The following SQOR variants were observed in gnomAD, a reference collection of about 807,000 sequenced individuals.
The protein encoded by SQOR is sulfide:quinone oxidoreductase, mitochondrial.
A neutral mutation model predicts 48.6 loss-of-function variants in SQOR; 39 were observed. That is an observed-to-expected ratio of 0.80 (90% confidence interval 0.62 to 1.05). SQOR has a LOEUF of 1.05. SQOR is among the 50% of genes least tolerant of loss of function. The pLI is 0.00. For missense variants in SQOR, 561 were observed against 559.9 expected, an observed-to-expected ratio of 1.00 and a Z score of -0.02; for synonymous variants, 220 against 206.2, an observed-to-expected ratio of 1.07 and a Z score of -0.57.
At chr15:45,650,592 G>C (rs1390970280) in intron 1 of SQOR, among the ~76,000 whole-genome samples, 1 of 152,186 alleles carries the variant, frequency 6.6e-6, no homozygotes, top group East Asian at 1.9e-4. Flanking sequence ...GCTCGCTCGG[G>C]CAGCCTGCTT....
intron 1 of SQOR, among the ~76,000 whole-genome samples, chr15:45,658,085 A>C (rs1889645584): frequency 6.6e-6 from 1 of 152,190 alleles, no homozygotes; most frequent in Non-Finnish European, 1.5e-5. Context: ...GTTTTCTTAA[A>C]GGTAAAGTGA....
At chr15:45,669,383 C>T (rs1257899564) in intron 3 of SQOR, among the ~76,000 whole-genome samples, 1 of 152,042 alleles carries the variant, frequency 6.6e-6, no homozygotes, top group Non-Finnish European at 1.5e-5. Context: ...AGGCTGGTCT[C>T]CAACTCCTGA....
At chr15:45,651,005 C>T (rs544282803) in intron 1 of SQOR, among the ~76,000 whole-genome samples, 177 of 152,302 alleles carry the variant, frequency 1.2e-3, no homozygotes, top group African/African-American at 4.0e-3. Flanking sequence ...TCCCGCACCG[C>T]GCACCTGCAC....
intron 6 of SQOR, among the ~76,000 whole-genome samples, chr15:45,679,727 A>G (rs1890093094): frequency 6.6e-6 from 1 of 152,234 alleles, no homozygotes; most frequent in Admixed American, 6.5e-5. Context: ...GACTTGTCCA[A>G]ATAATAGCAT....
chr15:45,649,439 G>C (rs573534893), intron 1 of SQOR, among the ~76,000 whole-genome samples: 4 of 152,306 alleles, frequency 2.6e-5, no homozygotes, highest in African/African-American at 9.6e-5. Context: ...GTGCCATTTG[G>C]TAAATGAAAG....
intron 6 of SQOR, among the ~76,000 whole-genome samples, chr15:45,680,512 AG>A (rs1890109032): frequency 6.6e-6 from 1 of 152,064 alleles, no homozygotes; most frequent in South Asian, 2.1e-4. Context: ...CCCAGCCTCA[AG>A]CAAGCCATCC....
chr15:45,670,299 G>T (rs1402793322), intron 4 of SQOR, among the ~76,000 whole-genome samples: 1 of 152,196 alleles, frequency 6.6e-6, no homozygotes, highest in Non-Finnish European at 1.5e-5. Flanking sequence ...AGAGTTGGCT[G>T]TATTGAAGAT....
intron 1 of SQOR, among the ~76,000 whole-genome samples, chr15:45,655,327 A>C (rs529915326): frequency 6.6e-6 from 1 of 152,298 alleles, no homozygotes; most frequent in South Asian, 2.1e-4. Context: ...GGACCATGAA[A>C]AACATGATTT....
intron 7 of SQOR, among the ~76,000 whole-genome samples, chr15:45,685,699 G>A (rs950786122): frequency 6.6e-6 from 1 of 152,268 alleles, no homozygotes. Flanking sequence ...TGGCCTTGAT[G>A]TCCTGCTGCT....
intron 4 of SQOR, 29 bp downstream of exon 4, chr15:45,670,010 G>T (rs756551822): frequency 6.2e-6 from 10 of 1,607,470 alleles, no homozygotes; most frequent in Non-Finnish European, 8.5e-6. Flanking sequence ...TCTGTGTTAC[G>T]CTGGCTTATC....
chr15:45,661,886 T>C (rs1223361368), intron 2 of SQOR, 69 bp from the exon 3 acceptor site: 3 of 1,487,236 alleles, frequency 2.0e-6, no homozygotes, highest in Non-Finnish European at 2.7e-6. Flanking sequence ...ATCTAGCCCA[T>C]ACTGTTAGCT....
intron 6 of SQOR, among the ~76,000 whole-genome samples, chr15:45,680,567 T>C (rs1420935001): frequency 2.0e-5 from 3 of 151,794 alleles, no homozygotes; most frequent in Admixed American, 1.3e-4. Context: ...AGGCATGTGC[T>C]ACTATGCCTA....
At chr15:45,644,178 C>T (rs1314123332) in intron 1 of SQOR, among the ~76,000 whole-genome samples, 4 of 152,094 alleles carry the variant, frequency 2.6e-5, no homozygotes, top group African/African-American at 9.7e-5. Context: ...ACCTCTGCCT[C>T]CCAGGTTCAA....
intron 4 of SQOR, among the ~76,000 whole-genome samples, chr15:45,670,576 C>T (rs535230150): frequency 1.3e-5 from 2 of 152,276 alleles, no homozygotes; most frequent in African/African-American, 2.4e-5. Context: ...CAGAGTAAAT[C>T]GGTAAATATT....
intron 2 of SQOR, among the ~76,000 whole-genome samples, chr15:45,660,319 C>G (rs1889696719): frequency 6.6e-6 from 1 of 152,186 alleles, no homozygotes; most frequent in Non-Finnish European, 1.5e-5. Flanking sequence ...TGAGAGGAAA[C>G]TAGGGGGCAG....
intron 7 of SQOR, among the ~76,000 whole-genome samples, chr15:45,685,676 A>C (rs1262286637): frequency 5.3e-5 from 8 of 151,540 alleles, no homozygotes; most frequent in African/African-American, 1.9e-4. Flanking sequence ...GGATGTCTCC[A>C]CTCCTTTTCC....
At chr15:45,648,258 A>G (rs933029673) in intron 1 of SQOR, among the ~76,000 whole-genome samples, 6 of 151,886 alleles carry the variant, frequency 4.0e-5, no homozygotes, top group Middle Eastern at 3.4e-3. Context: ...GCTCACTGCA[A>G]CCTCCGCCTT....
intron 1 of SQOR, among the ~76,000 whole-genome samples, chr15:45,656,401 G>A (rs967809939): frequency 6.6e-6 from 1 of 152,052 alleles, no homozygotes; most frequent in Non-Finnish European, 1.5e-5. Context: ...CCGGGCTTGA[G>A]TGATCCTTCC....
intron 1 of SQOR, among the ~76,000 whole-genome samples, chr15:45,650,995 T>TC (rs1272834873): frequency 6.6e-6 from 1 of 152,158 alleles, no homozygotes; most frequent in Non-Finnish European, 1.5e-5. Context: ...TGCCCCCGGG[T>TC]CCCGCACCGC....
Sources: gnomAD v4.1 joint callset for allele counts (sites outside exome capture counted in the v4.1 genomes callset) on GRCh38, gnomAD v4.1.1 for gene constraint, MANE v1.5 for transcripts, NCBI Gene and HGNC (gene_info 2026-07-23, HGNC 2026-07-21) for gene names.